DNAJB14: variants seen among roughly 807,000 people sequenced by gnomAD.
DNAJB14 encodes the protein dnaJ homolog subfamily B member 14.
Under a neutral mutation model 48.4 loss-of-function variants are expected in DNAJB14, and 22 were observed. The observed-to-expected ratio is 0.45, with a 90% CI of 0.32 to 0.65. DNAJB14 has a LOEUF of 0.65. Among genes scored for constraint, DNAJB14 ranks in the 30% least tolerant of loss-of-function variants. DNAJB14 has a pLI of 0.03. For missense variants in DNAJB14, 319 were observed against 458.8 expected, an observed-to-expected ratio of 0.70 and a Z score of 2.78; for synonymous variants, 142 against 158.7, an observed-to-expected ratio of 0.89 and a Z score of 0.79.
chr4:99,925,520 C>T (rs1050205821), intron 2 of DNAJB14: 2 of 151,956 alleles, frequency 1.3e-5, no homozygotes, highest in Non-Finnish European at 2.9e-5. Flanking sequence ...TCCTATTTAA[C>T]CAATAAGGAA....
chr4:99,944,379 A>G (rs1308243965), intron 1 of DNAJB14, among the ~76,000 whole-genome samples: 7 of 152,210 alleles, frequency 4.6e-5, no homozygotes, highest in Non-Finnish European at 8.8e-5. Flanking sequence ...ATGATCCTAC[A>G]ATCCCACTTC....
chr4:99,902,419 C>G (rs922448428), intron 7 of DNAJB14, among the ~76,000 whole-genome samples: 56 of 151,996 alleles, frequency 3.7e-4, no homozygotes, highest in African/African-American at 1.4e-3. Context: ...GCAACTCACT[C>G]CCAGCTGAAA....
At chr4:99,919,690 A>G (rs1486786508) in intron 3 of DNAJB14, among the ~76,000 whole-genome samples, 2 of 152,062 alleles carry the variant, frequency 1.3e-5, no homozygotes, top group Non-Finnish European at 2.9e-5. Flanking sequence ...TTTTCTCTCC[A>G]TCTTTCAGAG....
At chr4:99,914,558 G>A (rs573649638) in intron 3 of DNAJB14, among the ~76,000 whole-genome samples, 5 of 151,834 alleles carry the variant, frequency 3.3e-5, no homozygotes, top group East Asian at 3.9e-4. Context: ...ACGAGTTAAC[G>A]GATGCAGCAC....
At chr4:99,934,766 T>G (rs1203855628) in intron 1 of DNAJB14, among the ~76,000 whole-genome samples, 2 of 106,914 alleles carry the variant, frequency 1.9e-5, no homozygotes, top group African/African-American at 7.5e-5. Context: ...CACTCCAGCC[T>G]GGGTGACAGA....
At chr4:99,903,996 T>A in intron 6 of DNAJB14, 98 bp from the exon 7 acceptor site, 1 of 1,266,790 alleles carries the variant, frequency 7.9e-7, no homozygotes, top group Non-Finnish European at 1.1e-6. Context: ...CATTGAAAAG[T>A]TAATATTGGT....
chr4:99,908,224 C>T (rs1725534156), intron 4 of DNAJB14, among the ~76,000 whole-genome samples: 1 of 152,124 alleles, frequency 6.6e-6, no homozygotes, highest in Admixed American at 6.5e-5. Flanking sequence ...TAAAAATCCA[C>T]TTACTTTGTA....
intron 3 of DNAJB14, among the ~76,000 whole-genome samples, chr4:99,917,995 C>G (rs1288894457): frequency 1.3e-5 from 2 of 152,150 alleles, no homozygotes; most frequent in Admixed American, 1.3e-4. Context: ...CAACTGGAAT[C>G]TATAGGCTTC....
intron 1 of DNAJB14, among the ~76,000 whole-genome samples, chr4:99,941,755 G>C (rs1198513706): frequency 6.6e-5 from 10 of 152,040 alleles, no homozygotes. Flanking sequence ...ATTGAGGTTC[G>C]GAAAGATTAA....
At chr4:99,937,426 C>T (rs1726718867) in intron 1 of DNAJB14, among the ~76,000 whole-genome samples, 1 of 152,030 alleles carries the variant, frequency 6.6e-6, no homozygotes, top group African/African-American at 2.4e-5. Flanking sequence ...TGATATGTTA[C>T]ACTAAGAACA....
At chr4:99,932,103 G>T (rs1415306259) in intron 1 of DNAJB14, among the ~76,000 whole-genome samples, 6 of 152,006 alleles carry the variant, frequency 3.9e-5, no homozygotes, top group African/African-American at 1.4e-4. Context: ...TCTTCATGAT[G>T]TTGATTTAGG....
At chr4:99,904,792 T>C (rs1317297401) in intron 6 of DNAJB14, among the ~76,000 whole-genome samples, 1 of 151,948 alleles carries the variant, frequency 6.6e-6, no homozygotes, top group Non-Finnish European at 1.5e-5. Flanking sequence ...TATTATAAAT[T>C]ACAAAAATCA....
At chr4:99,908,667 A>C in intron 4 of DNAJB14, 44 bp downstream of exon 4, 1 of 1,409,158 alleles carries the variant, frequency 7.1e-7, no homozygotes, top group Non-Finnish European at 9.5e-7. Context: ...AGGTAAGACT[A>C]TGTAGCTTCA....
chr4:99,925,997 C>T (rs1052467736), intron 2 of DNAJB14: 1 of 152,158 alleles, frequency 6.6e-6, no homozygotes, highest in Non-Finnish European at 1.5e-5. Flanking sequence ...GAAGCTGACT[C>T]TCTTACCTCC....
intron 3 of DNAJB14, among the ~76,000 whole-genome samples, chr4:99,921,873 C>G (rs1333878447): frequency 6.6e-6 from 1 of 152,022 alleles, no homozygotes; most frequent in Non-Finnish European, 1.5e-5. Flanking sequence ...GTGCTATTAT[C>G]TGTGTTTTTT....
chr4:99,921,193 TTGGGACTAATAAAC>T, intron 3 of DNAJB14, among the ~76,000 whole-genome samples: 1 of 152,340 alleles, frequency 6.6e-6, no homozygotes, highest in Non-Finnish European at 1.5e-5. Context: ...CTGATCCTCT[TTGGGACTAATAAAC>T]TGGCATTCTG....
chr4:99,930,977 C>T (rs1294786120), intron 1 of DNAJB14, among the ~76,000 whole-genome samples: 2 of 152,154 alleles, frequency 1.3e-5, no homozygotes, highest in Non-Finnish European at 2.9e-5. Context: ...TTTAGACTTC[C>T]TGTTTAATTC....
chr4:99,946,384 G>C, intron 1 of DNAJB14, 55 bp downstream of exon 1: 1 of 1,561,658 alleles, frequency 6.4e-7, no homozygotes. Flanking sequence ...GGCAGGGGCG[G>C]GCTACGCGGT....
intron 1 of DNAJB14, among the ~76,000 whole-genome samples, chr4:99,933,907 A>T (rs1578234890): frequency 6.6e-6 from 1 of 152,196 alleles, no homozygotes; most frequent in Non-Finnish European, 1.5e-5. Context: ...AATTAAAAAT[A>T]AAAATAACCA....
Sources: gnomAD v4.1 joint callset for allele counts (sites outside exome capture counted in the v4.1 genomes callset) on GRCh38, gnomAD v4.1.1 for gene constraint, MANE v1.5 for transcripts, NCBI Gene and HGNC (gene_info 2026-07-23, HGNC 2026-07-21) for gene names.